RBFOX1: variants seen among roughly 807,000 people sequenced by gnomAD.
The protein encoded by RBFOX1 is RNA binding protein fox-1 homolog 1.
In RBFOX1, 8 loss-of-function variants were observed where a neutral mutation model predicts 57.7. That is an observed-to-expected ratio of 0.14 (90% CI 0.08 to 0.25). The LOEUF (loss-of-function observed/expected upper bound fraction) is 0.25. Ranked by LOEUF, RBFOX1 falls within the 10% of genes least tolerant of loss-of-function variation. RBFOX1 has a pLI of 1.00. For missense variants in RBFOX1, 611 were observed against 548.5 expected, an observed-to-expected ratio of 1.11 and a Z score of -1.14; for synonymous variants, 326 against 222.4, an observed-to-expected ratio of 1.47 and a Z score of -4.15.
intron 3 of RBFOX1, among the ~76,000 whole-genome samples, chr16:6,831,503 A>G (rs1206038406): frequency 2.6e-5 from 4 of 152,174 alleles, no homozygotes; most frequent in Non-Finnish European, 4.4e-5. Context: ...AGCCTAATAT[A>G]TTTCCCTTTT....
At chr16:6,040,517 C>A (rs552627855) in intron 1 of RBFOX1, among the ~76,000 whole-genome samples, 1 of 152,124 alleles carries the variant, frequency 6.6e-6, no homozygotes, top group Non-Finnish European at 1.5e-5. Flanking sequence ...GGTTTATCTG[C>A]GTGGAAGCAA....
chr16:5,574,954 C>T (rs1475504604), intron 2 of RBFOX1, among the ~76,000 whole-genome samples: 2 of 152,166 alleles, frequency 1.3e-5, no homozygotes, highest in Non-Finnish European at 2.9e-5. Context: ...GATAAGGCTG[C>T]ACAGAAGCCA....
chr16:6,176,413 C>T (rs1382027755), intron 1 of RBFOX1, among the ~76,000 whole-genome samples: 2 of 151,268 alleles, frequency 1.3e-5, no homozygotes, highest in East Asian at 3.9e-4. Context: ...CCCGCCTCAG[C>T]CTCCCAAAGT....
At chr16:7,192,221 A>T (rs979786119) in intron 4 of RBFOX1, among the ~76,000 whole-genome samples, 13 of 152,216 alleles carry the variant, frequency 8.5e-5, no homozygotes, top group Non-Finnish European at 1.9e-4. Context: ...TTTTACTGGC[A>T]TTTTATTGTT....
chr16:6,998,429 A>T (rs1239135851), intron 3 of RBFOX1, among the ~76,000 whole-genome samples: 2 of 152,120 alleles, frequency 1.3e-5, no homozygotes, highest in African/African-American at 4.8e-5. Flanking sequence ...GAGACACAGA[A>T]TGGTTTGGGG....
intron 4 of RBFOX1, among the ~76,000 whole-genome samples, chr16:7,482,897 C>T (rs1444383778): frequency 2.0e-5 from 3 of 152,118 alleles, no homozygotes; most frequent in Admixed American, 6.5e-5. Flanking sequence ...GAGAGGGGGG[C>T]AGCTTTTGGC....
At chr16:5,447,440 G>A (rs944186912) in intron 1 of RBFOX1, among the ~76,000 whole-genome samples, 1 of 147,256 alleles carries the variant, frequency 6.8e-6, no homozygotes, top group Non-Finnish European at 1.5e-5. Flanking sequence ...ACCCATGCTG[G>A]AGTGCAGTGG....
chr16:5,598,051 C>G (rs978783092), intron 2 of RBFOX1, among the ~76,000 whole-genome samples: 1 of 151,972 alleles, frequency 6.6e-6, no homozygotes, highest in African/African-American at 2.4e-5. Flanking sequence ...AATGTTAGTA[C>G]TTTGGGAGGC....
intron 3 of RBFOX1, among the ~76,000 whole-genome samples, chr16:5,806,636 C>G (rs1380059295): frequency 6.6e-6 from 1 of 152,132 alleles, no homozygotes; most frequent in East Asian, 1.9e-4. Flanking sequence ...AAAATCAAGC[C>G]CAAGACAGTG....
chr16:5,898,676 G>C (rs972599539), intron 4 of RBFOX1, among the ~76,000 whole-genome samples: 18 of 152,002 alleles, frequency 1.2e-4, no homozygotes, highest in Non-Finnish European at 1.0e-4. Context: ...GGCAAGTCCA[G>C]AATTTGATCT....
At chr16:5,299,936 C>T (rs1419623728) in intron 1 of RBFOX1, among the ~76,000 whole-genome samples, 3 of 151,692 alleles carry the variant, frequency 2.0e-5, no homozygotes, top group South Asian at 2.1e-4. Flanking sequence ...TTAATAGATG[C>T]ACTTTATCAC....
intron 3 of RBFOX1, among the ~76,000 whole-genome samples, chr16:6,679,958 T>C (rs1011235240): frequency 6.6e-6 from 1 of 150,934 alleles, no homozygotes. Context: ...TAAAGTAGTG[T>C]TTTTATATAA....
intron 5 of RBFOX1, among the ~76,000 whole-genome samples, chr16:7,552,801 G>C (rs748732532): frequency 3.3e-5 from 5 of 152,074 alleles, no homozygotes; most frequent in Admixed American, 6.5e-5. Flanking sequence ...TCCTGCCTCA[G>C]ACTCTCGAGT....
chr16:7,377,376 C>A (rs893480394), intron 4 of RBFOX1, among the ~76,000 whole-genome samples: 3 of 152,106 alleles, frequency 2.0e-5, no homozygotes, highest in South Asian at 2.1e-4. Flanking sequence ...AAGAACCAGG[C>A]CTGTTTACCT....
chr16:5,468,408 A>G (rs1305570365), intron 2 of RBFOX1, among the ~76,000 whole-genome samples: 1 of 152,060 alleles, frequency 6.6e-6, no homozygotes, highest in Non-Finnish European at 1.5e-5. Flanking sequence ...CTGTGGGCTC[A>G]CCTATTCTGA....
intron 3 of RBFOX1, among the ~76,000 whole-genome samples, chr16:7,014,035 T>C (rs7194755): frequency 0.78 from 118,917 of 152,130 alleles, 46,756 homozygotes; most frequent in East Asian, 0.92. Context: ...AACTTGAGGA[T>C]GAAATATGTA....
At chr16:6,334,117 G>A (rs995100306) in intron 2 of RBFOX1, among the ~76,000 whole-genome samples, 4 of 152,126 alleles carry the variant, frequency 2.6e-5, no homozygotes, top group African/African-American at 9.7e-5. Context: ...GGAAATCTAA[G>A]TATTACTTTA....
intron 3 of RBFOX1, among the ~76,000 whole-genome samples, chr16:6,683,072 T>C (rs1366393210): frequency 1.3e-5 from 2 of 152,064 alleles, no homozygotes; most frequent in Non-Finnish European, 1.5e-5. Context: ...TGATACAACA[T>C]GTAGAATACT....
At chr16:6,938,837 C>T (rs981723134) in intron 3 of RBFOX1, among the ~76,000 whole-genome samples, 1 of 152,108 alleles carries the variant, frequency 6.6e-6, no homozygotes, top group African/African-American at 2.4e-5. Flanking sequence ...TAGGCTGAGG[C>T]AGGAGAATCA....
Sources: allele counts gnomAD v4.1 joint callset (sites outside exome capture counted in the v4.1 genomes callset), GRCh38; gene constraint gnomAD v4.1.1; transcripts MANE v1.5; gene names NCBI Gene and HGNC (gene_info 2026-07-23, HGNC 2026-07-21).